ZDHHC17: variants seen among roughly 807,000 people sequenced by gnomAD.
The protein encoded by ZDHHC17 is palmitoyltransferase ZDHHC17.
ZDHHC17 carries 40 observed loss-of-function variants against 90.3 expected under a neutral mutation model. The ratio of observed to expected loss-of-function variants is 0.44; its 90% CI spans 0.34 to 0.58. ZDHHC17 has a LOEUF of 0.58. Ranked by LOEUF, ZDHHC17 falls within the 20% of genes least tolerant of loss-of-function variation. The probability of loss-of-function intolerance (pLI) is 0.01; values close to 1 mark genes in which losing one functional copy is unlikely to be tolerated. For missense variants in ZDHHC17, 614 were observed against 780.8 expected (o/e 0.79, Z 2.55); for synonymous variants, 235 against 252.4 (o/e 0.93, Z 0.65).
intron 1 of ZDHHC17, among the ~76,000 whole-genome samples, chr12:76,768,579 T>C (rs1237925185): frequency 2.0e-5 from 3 of 152,194 alleles, no homozygotes; most frequent in Non-Finnish European, 2.9e-5. Context: ...AATTAAGTAA[T>C]GTAGCTTGTA....
intron 7 of ZDHHC17, among the ~76,000 whole-genome samples, chr12:76,816,451 C>G (rs1192353427): frequency 6.6e-6 from 1 of 152,008 alleles, no homozygotes; most frequent in Non-Finnish European, 1.5e-5. Flanking sequence ...CAGGATCCAC[C>G]ATGTCTTTCA....
chr12:76,820,700 A>T (rs749846348), intron 7 of ZDHHC17, among the ~76,000 whole-genome samples: 1 of 152,172 alleles, frequency 6.6e-6, no homozygotes, highest in Non-Finnish European at 1.5e-5. Flanking sequence ...AAATTTTTTT[A>T]AAATTTGACG....
At chr12:76,847,514 G>C (rs1185023947) in intron 14 of ZDHHC17, among the ~76,000 whole-genome samples, 2 of 152,220 alleles carry the variant, frequency 1.3e-5, no homozygotes, top group Non-Finnish European at 2.9e-5. Flanking sequence ...AACAACAGCA[G>C]TATTTTATAG....
intron 2 of ZDHHC17, among the ~76,000 whole-genome samples, chr12:76,803,539 G>A (rs1952917927): frequency 6.6e-6 from 1 of 152,064 alleles, no homozygotes; most frequent in South Asian, 2.1e-4. Context: ...GGCTGATGAT[G>A]TCTGGTGGTA....
intron 7 of ZDHHC17, among the ~76,000 whole-genome samples, chr12:76,818,640 G>T (rs928818242): frequency 1.3e-5 from 2 of 152,196 alleles, no homozygotes; most frequent in Non-Finnish European, 2.9e-5. Context: ...AATTTTCCTT[G>T]TAGAGGAACA....
At chr12:76,795,463 G>A (rs1952808487) in intron 1 of ZDHHC17, among the ~76,000 whole-genome samples, 1 of 152,040 alleles carries the variant, frequency 6.6e-6, no homozygotes, top group Non-Finnish European at 1.5e-5. Flanking sequence ...TGAAAGATGT[G>A]ATCAAGTTTT....
At chr12:76,830,693 G>A (rs1456529809) in intron 10 of ZDHHC17, among the ~76,000 whole-genome samples, 1 of 152,012 alleles carries the variant, frequency 6.6e-6, no homozygotes, top group African/African-American at 2.4e-5. Flanking sequence ...TTCTAACTTT[G>A]TGTTTCCTAA....
chr12:76,817,750 A>G (rs1209532425), intron 7 of ZDHHC17, among the ~76,000 whole-genome samples: 1 of 152,088 alleles, frequency 6.6e-6, no homozygotes, highest in Non-Finnish European at 1.5e-5. Context: ...TCTTAGTAAA[A>G]GGAATAATCT....
At chr12:76,796,517 A>G (rs564308582) in intron 1 of ZDHHC17, among the ~76,000 whole-genome samples, 175 of 152,164 alleles carry the variant, frequency 1.2e-3, no homozygotes, top group African/African-American at 4.0e-3. Flanking sequence ...ATTAAATTTT[A>G]TATATATGGA....
At chr12:76,825,452 C>T (rs1455464357) in intron 8 of ZDHHC17, among the ~76,000 whole-genome samples, 1 of 151,816 alleles carries the variant, frequency 6.6e-6, no homozygotes, top group African/African-American at 2.4e-5. Flanking sequence ...TTTATAGTAC[C>T]ATTTTATGTA....
At chr12:76,836,429 GC>G (rs1285943874) in intron 10 of ZDHHC17, among the ~76,000 whole-genome samples, 1 of 151,340 alleles carries the variant, frequency 6.6e-6, no homozygotes. Flanking sequence ...CAGCTGCTGT[GC>G]CCCCCTCTCA....
chr12:76,790,097 G>C (rs978614066), intron 1 of ZDHHC17, among the ~76,000 whole-genome samples: 1 of 152,162 alleles, frequency 6.6e-6, no homozygotes. Context: ...GGGAATATGA[G>C]AACTACTCTC....
intron 1 of ZDHHC17, among the ~76,000 whole-genome samples, chr12:76,787,093 T>C (rs1208987797): frequency 6.6e-6 from 1 of 152,244 alleles, no homozygotes; most frequent in East Asian, 1.9e-4. Context: ...TTGAAGGTAC[T>C]TCTTCCTTGA....
chr12:76,824,705 C>T lies in ZDHHC17; in HGVS notation c.897+2174C>T, dbSNP rs116779432. 9.9e-3 allele frequency among the ~76,000 whole-genome samples: 1,498 copies of T among 151,560 alleles called. 26 individuals are homozygous for T. Among genetic ancestry groups the T allele is most frequent in the African/African-American group, 0.034 (1,393 of 41,332 alleles). On this transcript the variant is annotated intron_variant, in intron 8 of 16. Coordinates refer to ENST00000426126, the MANE Select transcript of ZDHHC17 (RefSeq NM_015336.4). ...GATAAAGATGGAATCTTTAGCCAGGCGTGGTGGTGCGCCTATAGTCCCAGC... is the reference window on the plus strand; with the variant it reads ...GATAAAGATGGAATCTTTAGCCAGGTGTGGTGGTGCGCCTATAGTCCCAGC...
intron 2 of ZDHHC17, among the ~76,000 whole-genome samples, chr12:76,799,695 C>T (rs1346171412): frequency 1.3e-5 from 2 of 152,158 alleles, no homozygotes; most frequent in Admixed American, 1.3e-4. Context: ...TTTGCGTGAG[C>T]TTTGAGTGCA....
chr12:76,837,515 A>T (rs904901422), intron 10 of ZDHHC17, among the ~76,000 whole-genome samples: 1 of 152,132 alleles, frequency 6.6e-6, no homozygotes. Context: ...CTCTTTACTT[A>T]AGAACACATT....
intron 3 of ZDHHC17, among the ~76,000 whole-genome samples, chr12:76,808,583 TAAC>T (rs974759892): frequency 2.0e-5 from 3 of 152,156 alleles, no homozygotes; most frequent in African/African-American, 7.2e-5. Flanking sequence ...GCACAAGAAA[TAAC>T]AAGGCATAGT....
At chr12:76,787,805 A>G (rs1952708055) in intron 1 of ZDHHC17, among the ~76,000 whole-genome samples, 1 of 152,256 alleles carries the variant, frequency 6.6e-6, no homozygotes, top group Non-Finnish European at 1.5e-5. Flanking sequence ...GCTCCAAAAT[A>G]CAATGAAAAT....
At chr12:76,787,419 T>C (rs956145607) in intron 1 of ZDHHC17, among the ~76,000 whole-genome samples, 12 of 152,250 alleles carry the variant, frequency 7.9e-5, no homozygotes, top group Admixed American at 7.8e-4. Context: ...TACAGTGTTA[T>C]GCATTCCCTG....
Sources: allele counts gnomAD v4.1 joint callset (sites outside exome capture counted in the v4.1 genomes callset), GRCh38; gene constraint gnomAD v4.1.1; transcripts MANE v1.5; gene names NCBI Gene and HGNC (gene_info 2026-07-23, HGNC 2026-07-21).